The following MAGI3 variants were observed in gnomAD, a reference collection of about 807,000 sequenced individuals.
MAGI3 encodes membrane associated guanylate kinase, WW and PDZ domain containing 3, also known as membrane-associated guanylate kinase, WW and PDZ domain-containing protein 3.
A neutral mutation model predicts 121.8 loss-of-function variants in MAGI3; 43 were observed. The observed-to-expected ratio is 0.35, with a 90% CI of 0.28 to 0.46. MAGI3 has a LOEUF of 0.46. Ranked by LOEUF, MAGI3 falls within the 20% of genes least tolerant of loss-of-function variation. MAGI3 has a pLI of 1.00. For synonymous variants in MAGI3, 553 were observed against 639.3 expected, an observed-to-expected ratio of 0.86 and a Z score of 2.04; for missense variants, 1,547 against 1,797.3, an observed-to-expected ratio of 0.86 and a Z score of 2.52.
chr1:113,480,259 C>G (rs1272432129), intron 1 of MAGI3, among the ~76,000 whole-genome samples: 1 of 152,186 alleles, frequency 6.6e-6, no homozygotes, highest in Non-Finnish European at 1.5e-5. Flanking sequence ...AGGGAATGCC[C>G]TGCAACAGTC....
In MAGI3 at chr1:113,685,844, T is replaced by C. The variant is rs554530000; in HGVS notation, c.*1830T>C. The C allele has an allele frequency of 6.6e-6, 1 of 152,464 alleles. No homozygotes were observed. Among genetic ancestry groups the C allele is most frequent in the African/African-American group, 2.4e-5 (1 of 41,588 alleles). 9.4% of individuals were successfully genotyped at this position (152,464 alleles called of 1,614,324 possible). On this transcript the variant is annotated 3_prime_UTR_variant, in exon 21 of 21. Coordinates refer to ENST00000307546, the MANE Select transcript of MAGI3 (RefSeq NM_001142782.2). Reference sequence around the variant, plus strand: ...ATGTTTATATATTGTACAGTACCTTTATATATACACTTGAGGTTCTGATTA... The same window carrying C: ...ATGTTTATATATTGTACAGTACCTTCATATATACACTTGAGGTTCTGATTA...
In MAGI3 at chr1:113,393,321, G is replaced by A. The variant is rs556269199; in HGVS notation, c.316+1972G>A. ...ATTTAGCCAAAATAAAGGGAATAAC[G>A]TATTAATGGCCACAGAACATTTTGT... On this transcript the variant is annotated intron_variant, in intron 1 of 20. Transcript: ENST00000307546. 1.5e-4 allele frequency among the ~76,000 whole-genome samples: 23 copies of A among 152,260 alleles called. No homozygotes were observed. In the South Asian group the frequency reaches 4.4e-3, roughly 29 times the overall value.
intron 2 of MAGI3, among the ~76,000 whole-genome samples, chr1:113,567,109 C>T (rs1467995866): frequency 6.6e-6 from 1 of 151,172 alleles, no homozygotes; most frequent in African/African-American, 2.4e-5. Context: ...GATATTATAA[C>T]TGATGTCACA....
At chr1:113,485,444 G>A (rs192069644) in intron 1 of MAGI3, among the ~76,000 whole-genome samples, 44 of 152,176 alleles carry the variant, frequency 2.9e-4, no homozygotes, top group Non-Finnish European at 4.1e-4. Context: ...CTTGTTGGCC[G>A]TTTGTATATC....
At position 113,667,156 on chromosome 1, in the gene MAGI3, T is replaced by C. The variant is rs192272971; in HGVS notation, c.2816-4578T>C. 4.6e-5 allele frequency among the ~76,000 whole-genome samples: 7 copies of C among 152,314 alleles called. No homozygotes were observed. The East Asian group carries it at 1.4e-3, about 29-fold the overall frequency. Reference sequence around the variant, plus strand: ...TGAATTTACCAGCTGCATTAGCCCCTAGCAAGAGAGTCAGCTGCCTTTGAA... The same window carrying C: ...TGAATTTACCAGCTGCATTAGCCCCCAGCAAGAGAGTCAGCTGCCTTTGAA... On this transcript the variant is annotated intron_variant, in intron 16 of 20. Coordinates refer to ENST00000307546, the MANE Select transcript of MAGI3 (RefSeq NM_001142782.2).
chr1:113,463,559 T>G (rs986375049), intron 1 of MAGI3, among the ~76,000 whole-genome samples: 3 of 152,088 alleles, frequency 2.0e-5, no homozygotes, highest in Non-Finnish European at 4.4e-5. Flanking sequence ...TGATGACCCT[T>G]AGGAGAGCTG....
intron 16 of MAGI3, among the ~76,000 whole-genome samples, chr1:113,667,646 T>C (rs1001116353): frequency 4.6e-5 from 7 of 152,242 alleles, no homozygotes; most frequent in African/African-American, 1.7e-4. Flanking sequence ...CTTCAAGAAC[T>C]TTTCTTTTGC....
At chr1:113,572,115 T>C (rs1226500850) in intron 2 of MAGI3, among the ~76,000 whole-genome samples, 2 of 152,226 alleles carry the variant, frequency 1.3e-5, no homozygotes, top group East Asian at 1.9e-4. Context: ...GTGTATTGAA[T>C]ATTATTGAAG....
At chr1:113,489,150 C>T (rs931587236) in intron 1 of MAGI3, among the ~76,000 whole-genome samples, 2 of 151,806 alleles carry the variant, frequency 1.3e-5, no homozygotes, top group Admixed American at 1.3e-4. Flanking sequence ...TAGTGACCAG[C>T]GGTCTGGGAA....
intron 1 of MAGI3, among the ~76,000 whole-genome samples, chr1:113,503,309 G>GAAAAA (rs59331456): frequency 2.8e-5 from 1 of 36,130 alleles, no homozygotes; most frequent in African/African-American, 1.1e-4. Flanking sequence ...CCTGTCTCAG[G>GAAAAA]AAAAAAAAAA....
chr1:113,629,230 G>A (rs1054476413), intron 9 of MAGI3, among the ~76,000 whole-genome samples: 16 of 152,038 alleles, frequency 1.1e-4, no homozygotes, highest in African/African-American at 3.9e-4. Context: ...TGTTTAGCAT[G>A]TCAGTTGTAT....
intron 2 of MAGI3, among the ~76,000 whole-genome samples, chr1:113,573,975 G>C (rs576425479): frequency 6.6e-6 from 1 of 152,036 alleles, no homozygotes; most frequent in East Asian, 1.9e-4. Context: ...ATCTTTGTTG[G>C]TTTAAAGTCT....
intron 1 of MAGI3, among the ~76,000 whole-genome samples, chr1:113,449,170 G>A (rs11102637): frequency 0.18 from 27,019 of 151,750 alleles, 3,148 homozygotes; most frequent in East Asian, 0.63. Flanking sequence ...AATGTGATAT[G>A]CTGGATAGTA....
intron 9 of MAGI3, among the ~76,000 whole-genome samples, chr1:113,625,333 A>T (rs958290368): frequency 6.6e-6 from 1 of 152,236 alleles, no homozygotes; most frequent in African/African-American, 2.4e-5. Flanking sequence ...AACTATGAAC[A>T]TGAAATATCT....
At chr1:113,516,167 AAT>A (rs1657889117) in intron 1 of MAGI3, among the ~76,000 whole-genome samples, 1 of 152,064 alleles carries the variant, frequency 6.6e-6, no homozygotes, top group Non-Finnish European at 1.5e-5. Flanking sequence ...TACATAGATT[AAT>A]AGACACACAT....
intron 1 of MAGI3, among the ~76,000 whole-genome samples, chr1:113,506,446 A>C (rs1277604712): frequency 6.6e-6 from 1 of 151,162 alleles, no homozygotes; most frequent in Admixed American, 6.6e-5. Flanking sequence ...GTTGTAGATC[A>C]CACCAGTGTT....
intron 3 of MAGI3, among the ~76,000 whole-genome samples, chr1:113,581,668 C>T (rs1276949169): frequency 1.3e-5 from 2 of 152,106 alleles, no homozygotes; most frequent in African/African-American, 2.4e-5. Context: ...TTCCACCCTG[C>T]CCATTGCTAC....
At chr1:113,645,168 T>C (rs1055154290) in intron 11 of MAGI3, among the ~76,000 whole-genome samples, 1 of 151,876 alleles carries the variant, frequency 6.6e-6, no homozygotes, top group South Asian at 2.1e-4. Context: ...GAATTACAGG[T>C]GCACGCCACC....
chr1:113,575,602 G>A (rs1191995001), intron 2 of MAGI3, among the ~76,000 whole-genome samples: 1 of 152,214 alleles, frequency 6.6e-6, no homozygotes, highest in African/African-American at 2.4e-5. Flanking sequence ...GCCAGCCAGA[G>A]CTCTCCTGTA....
Sources: allele counts gnomAD v4.1 joint callset (sites outside exome capture counted in the v4.1 genomes callset), GRCh38; gene constraint gnomAD v4.1.1; transcripts MANE v1.5; gene names NCBI Gene and HGNC (gene_info 2026-07-23, HGNC 2026-07-21).